ERCC6L: variants seen among roughly 807,000 people sequenced by gnomAD.
ERCC6L encodes ERCC excision repair 6 like, spindle assembly checkpoint helicase.
ERCC6L carries 7 observed loss-of-function variants against 20.1 expected under a neutral mutation model. That is an observed-to-expected ratio of 0.35 (90% CI 0.20 to 0.65). ERCC6L has a LOEUF of 0.65. Among genes scored for constraint, ERCC6L ranks in the 30% least tolerant of loss-of-function variants. The pLI is 0.69. For missense variants in ERCC6L, 592 were observed against 892.4 expected, an observed-to-expected ratio of 0.66 and a Z score of 4.29; for synonymous variants, 278 against 331.3, an observed-to-expected ratio of 0.84 and a Z score of 1.75.
intron 1 of ERCC6L, among the ~76,000 whole-genome samples, chrX:72,211,694 A>C (rs1283973428): frequency 9.0e-6 from 1 of 110,608 alleles, no homozygotes; most frequent in Non-Finnish European, 1.9e-5. Context: ...TGAGGCAAGA[A>C]GTTCGCTTCA....
intron 1 of ERCC6L, among the ~76,000 whole-genome samples, chrX:72,235,920 G>A (rs777990118): frequency 1.5e-4 from 17 of 111,217 alleles, no homozygotes; most frequent in African/African-American, 5.2e-4. Flanking sequence ...GTGTGAAAGA[G>A]AAAAAAAATA....
chrX:72,233,721 C>A (rs200611537), intron 1 of ERCC6L, among the ~76,000 whole-genome samples: 8 of 89,651 alleles, frequency 8.9e-5, no homozygotes, highest in East Asian at 4.4e-4. Flanking sequence ...GACTCCGTCT[C>A]AAAAAAAAAA....
Position 72,206,876 on chromosome X carries a change from C to G in ERCC6L, c.1891G>C (p.Glu631Gln), listed in dbSNP as rs147328766. The change falls in exon 2 of 2, where the codon GAG (glutamate) becomes CAG (glutamine). Residue 631 changes from glutamate (E) to glutamine (Q), a missense_variant. By Grantham distance (29) the Glu-to-Gln change is conservative. Around this residue, in one of 3 missense-constraint regions of ERCC6L, gnomAD observed 196 missense variants for 440.1 expected, o/e 0.45. Transcript: ENST00000334463. Reference sequence around the variant, plus strand: ...TGGGTTACAGAGTTCTGAAGATCCTCGATTGTAAAGAGCTCTCTTAATTCT... The same window carrying G: ...TGGGTTACAGAGTTCTGAAGATCCTGGATTGTAAAGAGCTCTCTTAATTCT... ...KQELRELFTI[E>Q]DLQNSVTQLQ... 6 of 1,209,776 alleles carry G rather than the reference C, an allele frequency of 5.0e-6. No homozygotes were observed. Among genetic ancestry groups the G allele is most frequent in the Non-Finnish European group, 6.7e-6 (6 of 895,112 alleles).
Position 72,205,087 on chromosome X carries a change from A to G in ERCC6L, c.3680T>C (p.Leu1227Pro). The G allele has an allele frequency of 8.3e-7, 1 of 1,211,190 alleles. No individual in the cohort carries two copies. Among genetic ancestry groups the G allele is most frequent in the Non-Finnish European group, 1.1e-6 (1 of 895,241 alleles). Reference sequence around the variant, plus strand: ...TTCAGGATCTGCACTTTTTATGTCAAGCGCTTTAACTAAGCAGTTTAGGGC... The same window carrying G: ...TTCAGGATCTGCACTTTTTATGTCAGGCGCTTTAACTAAGCAGTTTAGGGC... ...QEALNCLVKALDIKSADPEVM... is the reference protein window; with the variant it reads ...QEALNCLVKAPDIKSADPEVM... The change falls in exon 2 of 2, where the codon CTT (leucine) becomes CCT (proline). Residue 1227 changes from leucine to proline, a missense_variant. Physicochemically the swap from Leu to Pro is moderately conservative, Grantham distance 98 (BLOSUM62 -3). Transcript: ENST00000334463.
At chrX:72,233,173 T>C (rs1315209778) in intron 1 of ERCC6L, among the ~76,000 whole-genome samples, 1 of 111,730 alleles carries the variant, frequency 9.0e-6, no homozygotes, top group African/African-American at 3.3e-5. Flanking sequence ...CTTCCTGATA[T>C]GACACAATAT....
chrX:72,229,813 G>C (rs1192744347), intron 1 of ERCC6L, among the ~76,000 whole-genome samples: 1 of 111,727 alleles, frequency 9.0e-6, no homozygotes. Flanking sequence ...AGAGCAAGCA[G>C]ATTAGCCACT....
In ERCC6L at chrX:72,206,001, T is replaced by C; in HGVS notation, c.2766A>G (p.Ser922=). ...VSIIEIADDL[S]ASHSALQDAQ... ...CATCCTGCAGTGCACTATGGGATGC[T>C]GAAAGGTCATCAGCTATTTCAATAA... Residue 922 remains serine (S), a synonymous_variant, in exon 2 of 2, where the codon TCA becomes TCG. Transcript: ENST00000334463. 1 of 1,212,053 alleles carries C rather than the reference T, an allele frequency of 8.3e-7. No homozygotes were observed. The highest frequency in any genetic ancestry group is 1.7e-5 in the African/African-American group (1 of 57,911).
intron 1 of ERCC6L, among the ~76,000 whole-genome samples, chrX:72,210,785 A>G (rs1043160765): frequency 9.0e-6 from 1 of 111,530 alleles, no homozygotes; most frequent in African/African-American, 3.3e-5. Flanking sequence ...AACCACAACG[A>G]GAGTTTACAG....
intron 1 of ERCC6L, among the ~76,000 whole-genome samples, chrX:72,208,916 G>T (rs1251390533): frequency 1.8e-5 from 2 of 111,989 alleles, no homozygotes; most frequent in African/African-American, 6.5e-5. Context: ...TCAGGCACTA[G>T]TTGTGGAAAA....
intron 1 of ERCC6L, among the ~76,000 whole-genome samples, chrX:72,229,970 T>TA (rs1288769732): frequency 8.2e-5 from 9 of 109,927 alleles, no homozygotes; most frequent in African/African-American, 3.0e-4. Flanking sequence ...AGGCAGGAGA[T>TA]AGAGACCATC....
intron 1 of ERCC6L, among the ~76,000 whole-genome samples, chrX:72,231,504 G>A (rs761722275): frequency 9.0e-6 from 1 of 111,008 alleles, no homozygotes; most frequent in Admixed American, 9.6e-5. Flanking sequence ...ACATCATGGT[G>A]ACTATTATTA....
In ERCC6L at chrX:72,205,983, C is replaced by T. The variant is rs1345468158; in HGVS notation, c.2784G>A (p.Leu928=). The change falls in exon 2 of 2, where the codon CTG becomes CTA. Residue 928 remains leucine, a synonymous_variant. Transcript: ENST00000334463. ...ADDLSASHSA[L]QDAQASEAKL... ...TGGCCTCACTTGCTTGAGCATCCTG[C>T]AGTGCACTATGGGATGCTGAAAGGT... 8.3e-7 allele frequency: 1 copy of T among 1,211,278 alleles called. No homozygotes were observed. The highest frequency in any genetic ancestry group is 1.1e-6 in the Non-Finnish European group (1 of 894,951).
intron 1 of ERCC6L, among the ~76,000 whole-genome samples, chrX:72,213,642 T>C (rs1401614639): frequency 6.2e-5 from 7 of 112,371 alleles, no homozygotes; most frequent in African/African-American, 1.9e-4. Context: ...AAGGCGCCCA[T>C]TGCCGCTCCC....
intron 1 of ERCC6L, among the ~76,000 whole-genome samples, chrX:72,223,179 A>T (rs1403114823): frequency 1.0e-5 from 1 of 99,914 alleles, no homozygotes. Flanking sequence ...TACTAAAAAT[A>T]CAAAAAAAAA....
intron 1 of ERCC6L, among the ~76,000 whole-genome samples, chrX:72,220,018 A>T (rs760955542): frequency 1.8e-5 from 2 of 111,417 alleles, no homozygotes; most frequent in Non-Finnish European, 3.8e-5. Context: ...ACCCTTGATC[A>T]GGTTAAGGAA....
At chrX:72,221,214 T>C (rs1193655723) in intron 1 of ERCC6L, among the ~76,000 whole-genome samples, 3 of 111,799 alleles carry the variant, frequency 2.7e-5, no homozygotes, top group African/African-American at 9.8e-5. Flanking sequence ...GTGGCTCTGG[T>C]TTAAGGGGCC....
chrX:72,227,581 C>T (rs1480449955), intron 1 of ERCC6L, among the ~76,000 whole-genome samples: 2 of 111,362 alleles, frequency 1.8e-5, no homozygotes, highest in Non-Finnish European at 3.8e-5. Context: ...CCCCTTGTTT[C>T]CCCTCTTCTG....
At chrX:72,219,303 C>T (rs777738128) in intron 1 of ERCC6L, among the ~76,000 whole-genome samples, 10 of 109,377 alleles carry the variant, frequency 9.1e-5, no homozygotes, top group Admixed American at 3.9e-4. Flanking sequence ...CCTGTAATCC[C>T]AGTACTTTGT....
rs779818475 is a variant in ERCC6L, at chrX:72,227,314, T to A, written c.68+11530A>T. ...TCAACACTTGCACCAGCTCTACATA[T>A]CACCTGGAAGCTATATATCCTCTAT... On this transcript the variant is annotated intron_variant, in intron 1 of 1. Transcript: ENST00000334463. 9.9e-5 allele frequency among the ~76,000 whole-genome samples: 11 copies of A among 111,673 alleles called. No homozygotes were observed. In the Admixed American group the frequency reaches 1.0e-3, roughly 11 times the overall value.
Sources: allele counts gnomAD v4.1 joint callset (sites outside exome capture counted in the v4.1 genomes callset), GRCh38; gene constraint gnomAD v4.1.1; regional missense constraint gnomAD v4.1.1; transcripts MANE v1.5; gene names NCBI Gene and HGNC (gene_info 2026-07-23, HGNC 2026-07-21).